ZNF804B: variants seen among roughly 807,000 people sequenced by gnomAD.
The protein encoded by ZNF804B is zinc finger protein 804B.
Under a neutral mutation model 101.4 loss-of-function variants are expected in ZNF804B, and 80 were observed. The ratio of observed to expected loss-of-function variants is 0.79; its 90% CI spans 0.66 to 0.95. The LOEUF (loss-of-function observed/expected upper bound fraction) is 0.95. Ranked by LOEUF, ZNF804B falls within the 40% of genes least tolerant of loss-of-function variation. ZNF804B has a pLI of 0.00. For missense variants in ZNF804B, 1,673 were observed against 1,561.9 expected (o/e 1.07, Z -1.20); for synonymous variants, 622 against 558.8 (o/e 1.11, Z -1.59).
Position 89,198,121 on chromosome 7 carries a change from A to G in ZNF804B, c.109-20034A>G, listed in dbSNP as rs181373420. Among the ~76,000 whole-genome samples, 279 of 151,960 alleles carry G rather than the reference A, an allele frequency of 1.8e-3. 2 individuals are homozygous for G. The highest frequency in any genetic ancestry group is 4.1e-3 in the South Asian group (20 of 4,822). ...TAGATTATTAAATCTTTGCAAATAC[A>G]TATTTTTATTGCAATACTAGCTTGA... On this transcript the variant is annotated intron_variant, in intron 1 of 3. Coordinates refer to ENST00000333190, the MANE Select transcript of ZNF804B (RefSeq NM_181646.5).
chr7:88,869,307 C>G (rs1381426803), intron 1 of ZNF804B, among the ~76,000 whole-genome samples: 1 of 152,074 alleles, frequency 6.6e-6, no homozygotes, highest in Non-Finnish European at 1.5e-5. Flanking sequence ...TTGTATTACC[C>G]ACCAGGTATA....
intron 3 of ZNF804B, among the ~76,000 whole-genome samples, chr7:89,330,452 A>T (rs1310673669): frequency 1.3e-5 from 2 of 151,710 alleles, no homozygotes; most frequent in Non-Finnish European, 3.0e-5. Flanking sequence ...AAATGATCAC[A>T]TTGTATACCT....
intron 1 of ZNF804B, among the ~76,000 whole-genome samples, chr7:89,191,491 T>C (rs1788454673): frequency 6.6e-6 from 1 of 152,082 alleles, no homozygotes; most frequent in African/African-American, 2.4e-5. Flanking sequence ...GTGTAAGAAA[T>C]AGCCCACAAA....
chr7:89,057,607 C>T (rs552370461), intron 1 of ZNF804B, among the ~76,000 whole-genome samples: 39 of 152,120 alleles, frequency 2.6e-4, no homozygotes, highest in Admixed American at 9.2e-4. Flanking sequence ...CTGACTTTAT[C>T]GATGTCCAGT....
chr7:89,140,081 A>G (rs1011211127), intron 1 of ZNF804B, among the ~76,000 whole-genome samples: 1 of 152,096 alleles, frequency 6.6e-6, no homozygotes, highest in Admixed American at 6.6e-5. Context: ...AATGGCATTA[A>G]TCTTGTAGAG....
chr7:89,333,573 T>C lies in ZNF804B; in HGVS notation c.591T>C (p.Cys197=). ...ACCAATTACAATCAGACAGGCGTTGTTTGTTTGGAAATCAGGTACTGCAAA... is the reference window on the plus strand; with the variant it reads ...ACCAATTACAATCAGACAGGCGTTGCTTGTTTGGAAATCAGGTACTGCAAA... ...NRHQLQSDRR[C]LFGNQVLQTS... is the part of the protein sequence containing the mutation. Residue 197 remains cysteine (C), a synonymous_variant, in exon 4 of 4, where the codon TGT becomes TGC. Transcript: ENST00000333190. 7 of 1,613,556 alleles carry C rather than the reference T, an allele frequency of 4.3e-6. No homozygotes were observed. The highest frequency in any genetic ancestry group is 5.9e-6 in the Non-Finnish European group (7 of 1,179,664).
At chr7:88,934,582 G>A (rs1487222113) in intron 1 of ZNF804B, among the ~76,000 whole-genome samples, 1 of 151,658 alleles carries the variant, frequency 6.6e-6, no homozygotes, top group Non-Finnish European at 1.5e-5. Context: ...GAAGGCAAAT[G>A]ATATGAATAG....
chr7:88,866,668 TC>T (rs1341206688), intron 1 of ZNF804B, among the ~76,000 whole-genome samples: 4 of 152,080 alleles, frequency 2.6e-5, no homozygotes, highest in Non-Finnish European at 4.4e-5. Context: ...AAATGAGTAA[TC>T]CCAGCCAGTG....
intron 1 of ZNF804B, among the ~76,000 whole-genome samples, chr7:89,124,540 A>G (rs1459586033): frequency 2.0e-5 from 3 of 152,196 alleles, no homozygotes; most frequent in Admixed American, 1.3e-4. Flanking sequence ...ATTTATCCAC[A>G]TAACAACCCC....
chr7:88,917,963 G>GA (rs1230989540), intron 1 of ZNF804B, among the ~76,000 whole-genome samples: 1 of 152,124 alleles, frequency 6.6e-6, no homozygotes, highest in Non-Finnish European at 1.5e-5. Context: ...GTTAAGGAAA[G>GA]AAATTAATGA....
At chr7:88,971,879 C>T (rs1793544252) in intron 1 of ZNF804B, among the ~76,000 whole-genome samples, 1 of 151,480 alleles carries the variant, frequency 6.6e-6, no homozygotes, top group African/African-American at 2.4e-5. Flanking sequence ...CTCTAGGGAC[C>T]TGGAGTGGAA....
At chr7:88,950,639 T>G (rs965401314) in intron 1 of ZNF804B, among the ~76,000 whole-genome samples, 3 of 151,608 alleles carry the variant, frequency 2.0e-5, no homozygotes, top group Admixed American at 1.3e-4. Flanking sequence ...AAGAGGATCA[T>G]ATTATATACG....
chr7:88,981,598 G>T (rs1373759109), intron 1 of ZNF804B, among the ~76,000 whole-genome samples: 1 of 151,990 alleles, frequency 6.6e-6, no homozygotes, highest in Non-Finnish European at 1.5e-5. Flanking sequence ...CTACCTTCAG[G>T]TTTATTTAGA....
At chr7:89,117,914 T>A (rs952224869) in intron 1 of ZNF804B, among the ~76,000 whole-genome samples, 4 of 152,200 alleles carry the variant, frequency 2.6e-5, no homozygotes, top group Admixed American at 1.3e-4. Flanking sequence ...TTAGTCTTTT[T>A]TTCAACTACT....
At chr7:88,794,198 C>G in intron 1 of ZNF804B, 2 of 1,608,674 alleles carry the variant, frequency 1.2e-6, no homozygotes, top group Non-Finnish European at 8.5e-7. Flanking sequence ...CGTGAAGGAG[C>G]AGGCCATACC....
intron 2 of ZNF804B, among the ~76,000 whole-genome samples, chr7:89,255,682 A>T (rs1037490458): frequency 2.0e-5 from 3 of 152,204 alleles, no homozygotes; most frequent in African/African-American, 4.8e-5. Flanking sequence ...GGAGGAAATA[A>T]TTTTTTAATA....
At chr7:88,990,550 C>G (rs990764293) in intron 1 of ZNF804B, among the ~76,000 whole-genome samples, 8 of 152,026 alleles carry the variant, frequency 5.3e-5, no homozygotes, top group African/African-American at 1.9e-4. Context: ...TTCTAAAGAT[C>G]AGGTTCCTCT....
chr7:89,013,452 AC>A (rs1788494651), intron 1 of ZNF804B, among the ~76,000 whole-genome samples: 1 of 152,206 alleles, frequency 6.6e-6, no homozygotes, highest in African/African-American at 2.4e-5. Flanking sequence ...TTTATGTAGA[AC>A]ATACCTTCCT....
At chr7:89,047,177 C>G (rs1562869951) in intron 1 of ZNF804B, among the ~76,000 whole-genome samples, 1 of 152,128 alleles carries the variant, frequency 6.6e-6, no homozygotes, top group East Asian at 1.9e-4. Flanking sequence ...TTTGTAACAA[C>G]AGCAAACATC....
Sources: gnomAD v4.1 joint callset for allele counts (sites outside exome capture counted in the v4.1 genomes callset) on GRCh38, gnomAD v4.1.1 for gene constraint, MANE v1.5 for transcripts, NCBI Gene and HGNC (gene_info 2026-07-23, HGNC 2026-07-21) for gene names.